GRK1: variants seen among roughly 807,000 people sequenced by gnomAD.
GRK1 encodes G protein-coupled receptor kinase 1.
GRK1 carries 28 observed loss-of-function variants against 41.7 expected under a neutral mutation model. The ratio of observed to expected loss-of-function variants is 0.67; its 90% CI spans 0.50 to 0.92. The LOEUF (loss-of-function observed/expected upper bound fraction) is 0.92, where lower values mean the gene tolerates loss of function less well. Ranked by LOEUF, GRK1 falls within the 40% of genes least tolerant of loss-of-function variation. GRK1 has a pLI of 0.00. For synonymous variants in GRK1, 327 were observed against 286.7 expected, an observed-to-expected ratio of 1.14 and a Z score of -1.42; for missense variants, 703 against 671.2, an observed-to-expected ratio of 1.05 and a Z score of -0.52.
chr13:113,724,565 C>A (rs986349473), intron 4 of GRK1, among the ~76,000 whole-genome samples: 1 of 152,172 alleles, frequency 6.6e-6, no homozygotes, highest in South Asian at 2.1e-4. Flanking sequence ...GGGGTGGGGG[C>A]TAAGGACTGT....
At chr13:113,663,030 T>C (rs2049799218), upstream of GRK1, among the ~76,000 whole-genome samples, 1 of 152,222 alleles carries the variant, frequency 6.6e-6, no homozygotes, top group African/African-American at 2.4e-5. Flanking sequence ...TAAACATTTT[T>C]TGAAATTTTT....
intron 1 of GRK1, among the ~76,000 whole-genome samples, chr13:113,668,538 G>A (rs921305147): frequency 1.3e-5 from 2 of 152,264 alleles, no homozygotes; most frequent in African/African-American, 2.4e-5. Flanking sequence ...GACAGTTTCT[G>A]TGAGGCAGAG....
chr13:113,733,778 C>CGTGTGTGCAT (rs1555361202), intron 6 of GRK1, among the ~76,000 whole-genome samples: 1,332 of 89,440 alleles, frequency 0.015, 38 homozygotes, highest in African/African-American at 0.056. Context: ...TGTGTGCATA[C>CGTGTGTGCAT]GTGTGTGCAT....
At position 113,732,996 on chromosome 13, in the gene GRK1, A is replaced by C. The variant is rs2049948528; in HGVS notation, c.1307A>C (p.Glu436Ala). The change falls in exon 6 of 7, where the codon GAG becomes GCG. Residue 436 changes from glutamate (E) to alanine (A), a missense_variant. Glu to Ala is a moderately radical substitution (Grantham distance 107). Coordinates refer to ENST00000335678, the MANE Select transcript of GRK1 (RefSeq NM_002929.3). ...GAGGCGCTGCTGGAGAAGGACCCGGAGAAGCGCCTGGGGTTCAGAGATGAG... is the reference window on the plus strand; with the variant it reads ...GAGGCGCTGCTGGAGAAGGACCCGGCGAAGCGCCTGGGGTTCAGAGATGAG... ...FCEALLEKDP[E>A]KRLGFRDETC... The C allele has an allele frequency of 6.5e-7, 1 of 1,536,988 alleles. No homozygotes were observed. The highest frequency in any genetic ancestry group is 8.7e-7 in the Non-Finnish European group (1 of 1,146,918).
intron 6 of GRK1, among the ~76,000 whole-genome samples, chr13:113,734,144 G>T (rs1180681946): frequency 6.6e-6 from 1 of 152,058 alleles, no homozygotes; most frequent in Non-Finnish European, 1.5e-5. Context: ...GTGGTCAGGT[G>T]GAAGGGTCAG....
chr13:113,648,510 G>A, the GRK1 span, among the ~76,000 whole-genome samples: 3 of 152,244 alleles, frequency 2.0e-5, no homozygotes, highest in African/African-American at 7.2e-5. Context: ...CTGTCTGGGT[G>A]AGAAGTCTGT....
chr13:113,662,450 A>C (rs2049796007), upstream of GRK1, among the ~76,000 whole-genome samples: 1 of 152,248 alleles, frequency 6.6e-6, no homozygotes, highest in African/African-American at 2.4e-5. Context: ...TTCTAGCTAG[A>C]GCAATGAACA....
Position 113,735,076 on chromosome 13 carries a change from A to C in GRK1, c.1405A>C (p.Met469Leu). The part of the protein sequence containing the change: ...NWRQLEAGML[M>L]PPFIPDSKTV... ...TTTTCTGTCTCCCACAGGGATGCTGATGCCCCCTTTCATCCCAGACTCCAA... is the reference window on the plus strand; with the variant it reads ...TTTTCTGTCTCCCACAGGGATGCTGCTGCCCCCTTTCATCCCAGACTCCAA... The change falls in exon 7 of 7, where the codon ATG becomes CTG. Residue 469 changes from methionine (M) to leucine (L), a missense_variant. Coordinates refer to ENST00000335678, the MANE Select transcript of GRK1 (RefSeq NM_002929.3). The C allele has an allele frequency of 4.0e-6, 6 of 1,515,308 alleles. No homozygotes were observed. The highest frequency in any genetic ancestry group is 5.3e-6 in the Non-Finnish European group (6 of 1,130,120). 93.9% of individuals were successfully genotyped at this position (1,515,308 alleles called of 1,614,324 possible).
Position 113,737,563 on chromosome 13 carries a change from C to T in GRK1, c.*2200C>T, listed in dbSNP as rs1241302109. The T allele has an allele frequency of 6.5e-6, 1 of 153,766 alleles. No individual in the cohort carries two copies. Among genetic ancestry groups the T allele is most frequent in the Non-Finnish European group, 1.4e-5 (1 of 69,446 alleles). The allele number at this position is 153,766 out of a possible 1,614,324, so 9.5% of individuals were successfully genotyped here. On this transcript the variant is annotated 3_prime_UTR_variant, in exon 7 of 7. Transcript: ENST00000335678. ...GAGGAGCATGTCTTCCCATAGAACC[C>T]ACGTCGGCCACACCCTGGGTGAGGA... is the stretch of plus-strand genomic sequence containing the variant.
intron 4 of GRK1, among the ~76,000 whole-genome samples, chr13:113,724,295 A>G (rs1472771699): frequency 6.6e-6 from 1 of 152,166 alleles, no homozygotes; most frequent in Non-Finnish European, 1.5e-5. Context: ...CAGCAGCCAC[A>G]CCGTGAATTT....
chr13:113,649,518 G>A, the GRK1 span: 1 of 1,536,658 alleles, frequency 6.5e-7, no homozygotes, highest in South Asian at 1.2e-5. This position sits in a 1 kb window ranked among gnomAD's most constrained non-coding sequence, Gnocchi z 4.7. Flanking sequence ...CTGCCACCAG[G>A]GGGTTGCTGT....
intron 4 of GRK1, among the ~76,000 whole-genome samples, chr13:113,727,589 A>G (rs1017188274): frequency 2.0e-5 from 3 of 150,216 alleles, no homozygotes; most frequent in African/African-American, 4.9e-5. Context: ...AATGAGGAGT[A>G]CCCATGGCAA....
chr13:113,733,652 C>CGTGTGT (rs1315693149), intron 6 of GRK1, among the ~76,000 whole-genome samples: 1 of 79,582 alleles, frequency 1.3e-5, no homozygotes, highest in African/African-American at 6.4e-5. Flanking sequence ...TGTGTGCATA[C>CGTGTGT]GTGTGTGTGC....
chr13:113,671,158 C>T lies in GRK1; in HGVS notation c.828-341C>T, dbSNP rs532249754. ...TTCATGAGTCTGATGAACTTGGGGC[C>T]TGCGGAGCTGCATCCCACCTCGGCC... On this transcript the variant is annotated intron_variant, in intron 2 of 6. Transcript: ENST00000335678. The surrounding 1 kb of genome is among the most constrained non-coding windows in gnomAD (Gnocchi z 4.1). Among the ~76,000 whole-genome samples the T allele has an allele frequency of 4.1e-4, 62 of 152,342 alleles. No individual in the cohort carries two copies. In the South Asian group the frequency reaches 0.013, roughly 31 times the overall value.
rs1301398755 is a variant in GRK1, at chr13:113,671,561, A to G, written c.890A>G (p.Tyr297Cys). 1 of 777,856 alleles carries G rather than the reference A, an allele frequency of 1.3e-6. No individual in the cohort carries two copies. The highest frequency in any genetic ancestry group is 2.4e-6 in the Non-Finnish European group (1 of 417,944). The allele number at this position is 777,856 out of a possible 1,614,324, so 48.2% of individuals were successfully genotyped here. A position where few individuals can be genotyped will look rare whatever the true frequency, so the allele number is the denominator to read the frequency against. ...PGFPEPRALF[Y>C]TAQIICGLEH... The stretch of plus-strand genomic sequence containing the variant: ...TTCCCGGAGCCGCGCGCCCTCTTCT[A>G]CACGGCGCAGATCATCTGCGGCCTG... Residue 297 changes from tyrosine (Y) to cysteine (C), a missense_variant, in exon 3 of 7, where the codon TAC (tyrosine) becomes TGC (cysteine). Tyr to Cys is a radical substitution (Grantham distance 194, BLOSUM62 -2). Transcript: ENST00000335678. The surrounding 1 kb of genome is among the most constrained non-coding windows in gnomAD (Gnocchi z 4.1).
the GRK1 span, chr13:113,650,561 T>TTGTGTTTG: frequency 1.4e-6 from 2 of 1,473,250 alleles, no homozygotes; most frequent in Non-Finnish European, 1.9e-6. This position sits in a 1 kb window ranked among gnomAD's most constrained non-coding sequence, Gnocchi z 5.0. Context: ...TGTGCCGGTG[T>TTGTGTTTG]CTGTGTGTTG....
chr13:113,667,638 G>T lies in GRK1; in HGVS notation c.252G>T (p.Pro84=). The change falls in exon 1 of 7, where the codon CCG becomes CCT. Residue 84 remains proline (P), a synonymous_variant. Coordinates refer to ENST00000335678, the MANE Select transcript of GRK1 (RefSeq NM_002929.3). The surrounding 1 kb of genome is among the most constrained non-coding windows in gnomAD (Gnocchi z 7.5). The part of the protein sequence containing the change: ...QFLQSAEKHL[P]ALELWKDIED... Reference sequence around the variant, plus strand: ...TACAATCGGCAGAGAAGCACCTGCCGGCCCTGGAGCTCTGGAAAGACATCG... The same window carrying T: ...TACAATCGGCAGAGAAGCACCTGCCTGCCCTGGAGCTCTGGAAAGACATCG... 4 of 1,613,546 alleles carry T rather than the reference G, an allele frequency of 2.5e-6. No individual in the cohort carries two copies. Among genetic ancestry groups the T allele is most frequent in the Non-Finnish European group, 3.4e-6 (4 of 1,179,896 alleles).
At chr13:113,651,752 G>A in the GRK1 span, 2 of 1,611,702 alleles carry the variant, frequency 1.2e-6, no homozygotes, top group African/African-American at 1.3e-5. Context: ...CTTGAGCGTG[G>A]CCGCTCCCCA....
chr13:113,658,197 C>T, the GRK1 span: 214 of 1,531,824 alleles, frequency 1.4e-4, 3 homozygotes, highest in Middle Eastern at 5.1e-4. Flanking sequence ...TACGCCCAGA[C>T]TGAGGCCAGA....
Sources: gnomAD v4.1 joint callset for allele counts (sites outside exome capture counted in the v4.1 genomes callset) on GRCh38, gnomAD v4.1.1 for gene constraint, Gnocchi (gnomAD v3.1) non-coding constraint, MANE v1.5 for transcripts, NCBI Gene and HGNC (gene_info 2026-07-23, HGNC 2026-07-21) for gene names.